The following GLB1 variants were observed in gnomAD, a reference collection of about 807,000 sequenced individuals.
GLB1 encodes the protein beta-galactosidase.
Under a neutral mutation model 74.0 loss-of-function variants are expected in GLB1, and 56 were observed. That is an observed-to-expected ratio of 0.76 (90% confidence interval 0.61 to 0.94). The LOEUF is 0.94. Ranked by LOEUF, GLB1 falls within the 40% of genes least tolerant of loss-of-function variation. The pLI is 0.00. For synonymous variants in GLB1, 323 were observed against 323.6 expected, an observed-to-expected ratio of 1.00 and a Z score of 0.02; for missense variants, 787 against 845.5, an observed-to-expected ratio of 0.93 and a Z score of 0.86.
intron 1 of GLB1, chr3:33,092,982 T>C (rs1287185198): frequency 2.5e-6 from 4 of 1,614,156 alleles, no homozygotes; most frequent in Non-Finnish European, 3.4e-6. Context: ...ATTCAGGAGA[T>C]AGGCTGCTAC....
the GLB1 span, among the ~76,000 whole-genome samples, chr3:32,968,606 T>C: frequency 6.6e-6 from 1 of 152,204 alleles, no homozygotes; most frequent in Non-Finnish European, 1.5e-5. Flanking sequence ...AGCAAGGTTC[T>C]GCTGCATTTA....
intron 5 of GLB1, among the ~76,000 whole-genome samples, chr3:33,059,244 TACACACACACACAC>T (rs55785242): frequency 3.7e-4 from 54 of 144,464 alleles, no homozygotes; most frequent in East Asian, 7.9e-4. Flanking sequence ...ATATAAAACA[TACACACACACACAC>T]ACACACACAC....
intron 2 of GLB1, among the ~76,000 whole-genome samples, chr3:33,072,211 T>A (rs1015841361): frequency 6.6e-6 from 1 of 152,172 alleles, no homozygotes; most frequent in Non-Finnish European, 1.5e-5. Context: ...ACAGGAACAA[T>A]AATACCTATC....
In GLB1 at chr3:33,054,765, T is replaced by C. The variant is rs1270683609; in HGVS notation, c.734-1216A>G. 2.0e-5 allele frequency among the ~76,000 whole-genome samples: 3 copies of C among 152,340 alleles called. 1 individual carries two copies. Among genetic ancestry groups the C allele is most frequent in the Middle Eastern group, 6.8e-3 (2 of 294 alleles). ...TAGGGGTGTCTTGTCTTGCCTCTCG[T>C]GTCTTCTATTTTCCCTTCCTCCTCT... On this transcript the variant is annotated intron_variant, in intron 6 of 15. Coordinates refer to ENST00000307363, the MANE Select transcript of GLB1 (RefSeq NM_000404.4).
In GLB1 at chr3:33,074,614, G is replaced by C. The variant is rs573454776; in HGVS notation, c.76-1901C>G. On this transcript the variant is annotated intron_variant, in intron 1 of 15. Transcript: ENST00000307363. ...AGACCTCAACGGGTGGTGGGGGTGG[G>C]GGTTCGACTGTTAAGCCGAGTGGAA... Among the ~76,000 whole-genome samples, 7 of 152,058 alleles carry C rather than the reference G, an allele frequency of 4.6e-5. No individual in the cohort carries two copies. In the South Asian group the frequency reaches 1.5e-3, roughly 32 times the overall value.
chr3:33,077,268 T>C, intron 1 of GLB1: 2 of 1,571,100 alleles, frequency 1.3e-6, no homozygotes, highest in East Asian at 2.3e-5. Flanking sequence ...AATTTGAAGG[T>C]GGCAGGGCAG....
At chr3:33,050,298 T>C (rs1286117532) in intron 9 of GLB1, among the ~76,000 whole-genome samples, 1 of 152,214 alleles carries the variant, frequency 6.6e-6, no homozygotes, top group African/African-American at 2.4e-5. Context: ...CTTCTTGGTA[T>C]ACACCCAAAG....
chr3:33,092,636 G>T, intron 1 of GLB1: 1 of 1,365,948 alleles, frequency 7.3e-7, no homozygotes, highest in Non-Finnish European at 9.4e-7. Context: ...AAAGCAACTG[G>T]CCAAGGAAAT....
chr3:33,078,002 G>A (rs1700184254), intron 1 of GLB1, among the ~76,000 whole-genome samples: 1 of 151,106 alleles, frequency 6.6e-6, no homozygotes, highest in African/African-American at 2.4e-5. Context: ...GGATAAATTA[G>A]TCTAAAAAAA....
intron 10 of GLB1, among the ~76,000 whole-genome samples, chr3:33,026,769 T>A (rs1324095284): frequency 6.6e-6 from 1 of 151,946 alleles, no homozygotes; most frequent in Non-Finnish European, 1.5e-5. Flanking sequence ...GGAGGGAGGA[T>A]GGGACAATCT....
chr3:32,999,333 T>G (rs138368249), intron 15 of GLB1, among the ~76,000 whole-genome samples: 33 of 152,280 alleles, frequency 2.2e-4, no homozygotes, highest in African/African-American at 7.7e-4. Flanking sequence ...AGCACTTTAC[T>G]TTTGCGGTCA....
chr3:33,031,043 T>G (rs1476654321), intron 10 of GLB1, among the ~76,000 whole-genome samples: 1 of 152,172 alleles, frequency 6.6e-6, no homozygotes, highest in African/African-American at 2.4e-5. Context: ...TGCCATGCCT[T>G]GAAGATTCAT....
At chr3:33,031,526 C>A (rs1272437406) in intron 10 of GLB1, among the ~76,000 whole-genome samples, 1 of 145,078 alleles carries the variant, frequency 6.9e-6, no homozygotes, top group Non-Finnish European at 1.5e-5. Flanking sequence ...CGCTTGTAAT[C>A]CCAGCTACTC....
intron 14 of GLB1, among the ~76,000 whole-genome samples, chr3:33,016,508 C>G (rs946518578): frequency 1.3e-5 from 2 of 152,134 alleles, no homozygotes; most frequent in African/African-American, 4.8e-5. Context: ...AGGTGCATGT[C>G]ACCACACCTG....
the GLB1 span, among the ~76,000 whole-genome samples, chr3:32,973,956 C>G: frequency 8.0e-4 from 121 of 152,196 alleles, no homozygotes; most frequent in Non-Finnish European, 1.4e-3. Context: ...TAGGGTAACT[C>G]TGCTCCATCT....
In GLB1 at chr3:33,072,512, C is replaced by T. The variant is rs535138916; in HGVS notation, c.245+32G>A. On this transcript the variant is annotated intron_variant, in intron 2 of 15. Transcript: ENST00000307363. ...CTTCTCTCCAGAGTGGGTGTTCAGG[C>T]CTAGGTGAGAGCCACATGCCCTCCT... 2.8e-5 allele frequency: 45 copies of T among 1,612,230 alleles called. No individual in the cohort carries two copies. The East Asian group carries it at 9.6e-4, about 34-fold the overall frequency.
At position 33,068,294 on chromosome 3, in the gene GLB1, G is replaced by T; in HGVS notation, c.397-4C>A. 6.2e-7 allele frequency: 1 copy of T among 1,614,026 alleles called. No individual in the cohort carries two copies. The highest frequency in any genetic ancestry group is 8.5e-7 in the Non-Finnish European group (1 of 1,179,996). On this transcript the variant is annotated splice_polypyrimidine_tract_variant and splice_region_variant and intron_variant, in intron 3 of 15. Transcript: ENST00000307363. ...GCAGCCAAGCAGGTAATCCTCCCTA[G>T]TTCAGGGAAAACAAGCCATTATAAT...
chr3:32,992,581 T>C (rs1057224799), downstream of GLB1, among the ~76,000 whole-genome samples: 3 of 152,204 alleles, frequency 2.0e-5, no homozygotes, highest in Non-Finnish European at 2.9e-5. Context: ...ATAAGAAATT[T>C]AGACTTACAC....
At chr3:33,077,148 C>T (rs1041685347) in intron 1 of GLB1, 7 of 1,442,824 alleles carry the variant, frequency 4.9e-6, no homozygotes, top group African/African-American at 4.3e-5. Context: ...CGTGCTCATT[C>T]GGTGCAGTCT....
Sources: gnomAD v4.1 joint callset for allele counts (sites outside exome capture counted in the v4.1 genomes callset) on GRCh38, gnomAD v4.1.1 for gene constraint, MANE v1.5 for transcripts, NCBI Gene and HGNC (gene_info 2026-07-23, HGNC 2026-07-21) for gene names.